BBS4: variants seen among roughly 807,000 people sequenced by gnomAD.
BBS4 encodes BBSome complex member BBS4.
BBS4 carries 58 observed loss-of-function variants against 71.4 expected under a neutral mutation model. That is an observed-to-expected ratio of 0.81 (90% CI 0.66 to 1.01). The LOEUF (loss-of-function observed/expected upper bound fraction) is 1.01, where lower values mean the gene tolerates loss of function less well. BBS4 is among the 50% of genes least tolerant of loss of function. The pLI, the probability that BBS4 is intolerant of heterozygous loss-of-function variation, is 0.00. For missense variants in BBS4, 660 were observed against 607.9 expected, an observed-to-expected ratio of 1.09 and a Z score of -0.90; for synonymous variants, 228 against 216.8, an observed-to-expected ratio of 1.05 and a Z score of -0.46.
intron 8 of BBS4, among the ~76,000 whole-genome samples, chr15:72,726,259 A>C (rs2065700203): frequency 6.6e-6 from 1 of 151,698 alleles, no homozygotes; most frequent in African/African-American, 2.4e-5. Flanking sequence ...CTGCACGAGC[A>C]CGCCACCACC....
At chr15:72,714,609 A>G (rs12594320) in intron 4 of BBS4, among the ~76,000 whole-genome samples, 30,229 of 152,098 alleles carry the variant, frequency 0.2, 3,657 homozygotes, top group African/African-American at 0.34. Flanking sequence ...TTGGGTGTAA[A>G]TAAATGGTTT....
chr15:72,693,942 T>C (rs1028722872), intron 1 of BBS4, among the ~76,000 whole-genome samples: 1 of 152,038 alleles, frequency 6.6e-6, no homozygotes, highest in African/African-American at 2.4e-5. Context: ...TGGAGTGCAG[T>C]GGTGTGATCT....
At chr15:72,720,522 C>T (rs558192677) in intron 6 of BBS4, among the ~76,000 whole-genome samples, 55 of 151,798 alleles carry the variant, frequency 3.6e-4, no homozygotes, top group African/African-American at 1.3e-3. Flanking sequence ...CCTTGTAGCC[C>T]TACTTTCTTG....
chr15:72,688,411 C>T (rs4640155), intron 1 of BBS4, among the ~76,000 whole-genome samples: 180 of 83,002 alleles, frequency 2.2e-3, no homozygotes, highest in East Asian at 5.2e-3. Context: ...GGTATTTTAT[C>T]TTTTTTTTTT....
intron 4 of BBS4, among the ~76,000 whole-genome samples, chr15:72,714,083 A>G (rs1035148516): frequency 2.6e-5 from 4 of 152,166 alleles, no homozygotes; most frequent in Admixed American, 2.6e-4. Context: ...CTTGTAATCA[A>G]GCTAAAAGAG....
rs370049399 is a variant in BBS4 at position 72,709,733 on chromosome 15, G to A, written c.110G>A (p.Trp37Ter). The change falls in exon 3 of 16, where the codon TGG (tryptophan) becomes TAG (stop). Residue 37 changes from tryptophan to a stop codon, truncating the protein, a stop_gained. Transcript: ENST00000268057. LOFTEE classifies it high-confidence loss of function. ...PEFPILEKQNWLIHLHYIRKD... is the reference protein window; with the variant it reads ...PEFPILEKQN ...TTTCCTATTTTGGAGAAGCAGAACT[G>A]GTTGATTCATCTTCATTATATCCGG... 1.9e-6 allele frequency: 3 copies of A among 1,613,578 alleles called. No homozygotes were observed. Among genetic ancestry groups the A allele is most frequent in the Non-Finnish European group, 1.7e-6 (2 of 1,179,792 alleles).
intron 14 of BBS4, 81 bp from the exon 15 acceptor site, chr15:72,736,681 C>A (rs1227626241): frequency 1.4e-6 from 2 of 1,387,528 alleles, no homozygotes; most frequent in Admixed American, 1.8e-5. Flanking sequence ...GCTAAAACCC[C>A]AGCTCGAAGA....
At chr15:72,686,927 G>T in intron 1 of BBS4, 1 of 232,534 alleles carries the variant, frequency 4.3e-6, no homozygotes, top group Non-Finnish European at 8.8e-6. Context: ...AATGATTTTA[G>T]GTATTCGGAA....
intron 1 of BBS4, among the ~76,000 whole-genome samples, chr15:72,692,089 A>G (rs1438548850): frequency 6.6e-6 from 1 of 152,046 alleles, no homozygotes; most frequent in East Asian, 1.9e-4. Flanking sequence ...GGTTCTTCAC[A>G]TGCCTCACTT....
chr15:72,734,644 T>C (rs1048410138), intron 12 of BBS4, among the ~76,000 whole-genome samples: 4 of 152,086 alleles, frequency 2.6e-5, no homozygotes, highest in Admixed American at 6.5e-5. Flanking sequence ...GTTTTTGTTT[T>C]ATATATTAGG....
intron 13 of BBS4, 52 bp from the exon 14 acceptor site, chr15:72,735,773 A>G: frequency 6.2e-7 from 1 of 1,611,550 alleles, no homozygotes; most frequent in South Asian, 1.1e-5. Flanking sequence ...GGATCTCTAA[A>G]TGACCATTTG....
intron 6 of BBS4, chr15:72,717,238 T>C: frequency 5.1e-6 from 1 of 195,382 alleles, no homozygotes; most frequent in Non-Finnish European, 1.0e-5. Flanking sequence ...GACCCTTGCC[T>C]TTCTTTGGGT....
intron 2 of BBS4, among the ~76,000 whole-genome samples, chr15:72,706,276 A>G (rs556500309): frequency 3.2e-4 from 49 of 152,144 alleles, no homozygotes; most frequent in South Asian, 3.1e-3. Context: ...AGCTGGGATT[A>G]TAGGTGCCCG....
At chr15:72,734,172 C>A (rs1005611353) in intron 12 of BBS4, among the ~76,000 whole-genome samples, 5 of 152,162 alleles carry the variant, frequency 3.3e-5, no homozygotes, top group Non-Finnish European at 7.3e-5. Context: ...GCATGGTTTG[C>A]AAATATTTTC....
At chr15:72,717,365 G>T (rs543675126) in intron 6 of BBS4, 3,895 of 146,606 alleles carry the variant, frequency 0.027, 54 homozygotes, top group Non-Finnish European at 0.037. Context: ...ATTCGTTTTT[G>T]TTTTTTTTTT....
At chr15:72,689,134 A>G (rs2064935420) in intron 1 of BBS4, among the ~76,000 whole-genome samples, 1 of 152,208 alleles carries the variant, frequency 6.6e-6, no homozygotes, top group Non-Finnish European at 1.5e-5. Context: ...TGTGATCTTA[A>G]TTTCATAACA....
chr15:72,689,292 C>A (rs1486709102), intron 1 of BBS4, among the ~76,000 whole-genome samples: 2 of 152,228 alleles, frequency 1.3e-5, no homozygotes, highest in South Asian at 2.1e-4. Flanking sequence ...CAGAAGACAC[C>A]CCATCAAAAC....
intron 12 of BBS4, 86 bp from the exon 13 acceptor site, chr15:72,735,027 G>T: frequency 1.1e-6 from 1 of 942,942 alleles, no homozygotes; most frequent in East Asian, 2.4e-5. Context: ...GAGCTGACAG[G>T]GTGAAGTTTA....
intron 13 of BBS4, 121 bp from the exon 14 acceptor site, chr15:72,735,704 G>A: frequency 7.9e-7 from 1 of 1,259,658 alleles, no homozygotes; most frequent in Non-Finnish European, 1.2e-6. Flanking sequence ...TACCTACCTT[G>A]CTGCATAATG....
Sources: gnomAD v4.1 joint callset for allele counts (sites outside exome capture counted in the v4.1 genomes callset) on GRCh38, gnomAD v4.1.1 for gene constraint, MANE v1.5 for transcripts, NCBI Gene and HGNC (gene_info 2026-07-23, HGNC 2026-07-21) for gene names.